SUGCT: variants seen among roughly 807,000 people sequenced by gnomAD.
SUGCT encodes the protein succinyl-CoA:glutarate CoA-transferase.
Under a neutral mutation model 55.0 loss-of-function variants are expected in SUGCT, and 41 were observed. The observed-to-expected ratio is 0.74, with a 90% CI of 0.58 to 0.97. The LOEUF (loss-of-function observed/expected upper bound fraction) is 0.97, where lower values mean the gene tolerates loss of function less well. Among genes scored for constraint, SUGCT ranks in the 50% least tolerant of loss-of-function variants. SUGCT has a pLI of 0.00. For synonymous variants in SUGCT, 187 were observed against 200.4 expected, an observed-to-expected ratio of 0.93 and a Z score of 0.56; for missense variants, 568 against 547.8, an observed-to-expected ratio of 1.04 and a Z score of -0.37.
chr7:40,378,094 G>C (rs1784692682), intron 9 of SUGCT, among the ~76,000 whole-genome samples: 1 of 141,380 alleles, frequency 7.1e-6, no homozygotes. Context: ...AGTTAATTGA[G>C]CTTCTTTGAT....
Position 40,838,353 on chromosome 7 carries a change from G to A in SUGCT, c.1154-21963G>A, listed in dbSNP as rs77981330. ...TCCAACATGTGTATCAATTTGAGGA[G>A]AATTGACATCTTTAATATGTTGTAT... is the stretch of plus-strand genomic sequence containing the variant. On this transcript the variant is annotated intron_variant, in intron 13 of 13. Transcript: ENST00000335693. Among the ~76,000 whole-genome samples, 59 of 152,266 alleles carry A rather than the reference G, an allele frequency of 3.9e-4. No homozygotes were observed. In the East Asian group the frequency reaches 0.011, roughly 29 times the overall value.
At chr7:40,176,757 G>A (rs1021101241) in intron 1 of SUGCT, among the ~76,000 whole-genome samples, 2 of 151,832 alleles carry the variant, frequency 1.3e-5, no homozygotes, top group Non-Finnish European at 2.9e-5. Context: ...TGGATCACCT[G>A]AGGTCAGGAG....
At chr7:40,268,742 C>T (rs376820436) in intron 7 of SUGCT, among the ~76,000 whole-genome samples, 5 of 152,012 alleles carry the variant, frequency 3.3e-5, no homozygotes, top group East Asian at 3.9e-4. Context: ...TTCTGCCTCC[C>T]GGGTTCAAGC....
At chr7:40,502,929 A>G (rs914840802) in intron 12 of SUGCT, among the ~76,000 whole-genome samples, 4 of 152,166 alleles carry the variant, frequency 2.6e-5, no homozygotes, top group African/African-American at 9.6e-5. Flanking sequence ...TCCTATATGG[A>G]GTACGTAATT....
intron 9 of SUGCT, among the ~76,000 whole-genome samples, chr7:40,377,218 TTTTCTTTCTTTCTTCCCTTCC>T (rs1784635196): frequency 1.4e-4 from 1 of 7,062 alleles, no homozygotes; most frequent in Admixed American, 2.5e-3. Flanking sequence ...CTTTTCTTTC[TTTTCTTTCTTTCTTCCCTTCC>T]TTCCTTCCTT....
Position 40,302,219 on chromosome 7 carries a change from AC to A in SUGCT, c.721-14540del, listed in dbSNP as rs1413653298. Reference sequence around the variant, plus strand: ...TATACATTCAACACTCTTCCTTCTAACACTCTCCTCCTTTGGCCTTTAGACA... The same window carrying A: ...TATACATTCAACACTCTTCCTTCTAAACTCTCCTCCTTTGGCCTTTAGACA... On this transcript the variant is annotated intron_variant, in intron 8 of 13. Transcript: ENST00000335693. Among the ~76,000 whole-genome samples, 3 of 152,050 alleles carry A rather than the reference AC, an allele frequency of 2.0e-5. No individual in the cohort carries two copies. In the East Asian group the frequency reaches 5.8e-4, roughly 29 times the overall value.
chr7:40,818,218 C>T (rs1185733291), intron 13 of SUGCT, among the ~76,000 whole-genome samples: 1 of 152,226 alleles, frequency 6.6e-6, no homozygotes, highest in Non-Finnish European at 1.5e-5. Flanking sequence ...GGCAGTCTGC[C>T]ATCAACCTAA....
At chr7:40,238,529 T>C (rs1392094000) in intron 7 of SUGCT, among the ~76,000 whole-genome samples, 1 of 152,160 alleles carries the variant, frequency 6.6e-6, no homozygotes, top group African/African-American at 2.4e-5. Flanking sequence ...TCAGTGGGTG[T>C]TCATTCTCCA....
intron 10 of SUGCT, among the ~76,000 whole-genome samples, chr7:40,454,733 A>G (rs929585915): frequency 1.2e-4 from 18 of 152,200 alleles, no homozygotes; most frequent in African/African-American, 3.6e-4. Context: ...AATGGAAAGA[A>G]TGCCAACCTA....
At chr7:40,383,032 C>T (rs1784946639) in intron 9 of SUGCT, among the ~76,000 whole-genome samples, 2 of 152,046 alleles carry the variant, frequency 1.3e-5, no homozygotes, top group African/African-American at 4.8e-5. Context: ...GTAAGTATGA[C>T]ACCCCCTGCA....
At chr7:40,463,674 A>G (rs559587648) in intron 11 of SUGCT, among the ~76,000 whole-genome samples, 7 of 152,282 alleles carry the variant, frequency 4.6e-5, no homozygotes, top group African/African-American at 1.7e-4. Context: ...TGCGTTTTCC[A>G]CAGCCAGCAC....
chr7:41,005,804 C>T, the SUGCT span, among the ~76,000 whole-genome samples: 7 of 152,178 alleles, frequency 4.6e-5, no homozygotes. Context: ...ATTTCCCTCA[C>T]CCCCAATACT....
intron 10 of SUGCT, among the ~76,000 whole-genome samples, chr7:40,454,003 A>G (rs1789332364): frequency 6.6e-6 from 1 of 152,224 alleles, no homozygotes; most frequent in Admixed American, 6.5e-5. Flanking sequence ...ACTTAAAAGT[A>G]TAATAACCAA....
chr7:40,786,453 C>T (rs117174454), intron 13 of SUGCT, among the ~76,000 whole-genome samples: 1 of 152,156 alleles, frequency 6.6e-6, no homozygotes. Context: ...TTGGCTTAAA[C>T]TGGCAATCAC....
At chr7:40,972,443 A>T in the SUGCT span, among the ~76,000 whole-genome samples, 9 of 152,242 alleles carry the variant, frequency 5.9e-5, no homozygotes, top group Non-Finnish European at 1.3e-4. Context: ...TACTGCAGAT[A>T]GCATGAATAT....
intron 12 of SUGCT, among the ~76,000 whole-genome samples, chr7:40,675,790 A>AGAGGACTGCTGG (rs778259322): frequency 2.5e-4 from 38 of 152,326 alleles, no homozygotes; most frequent in Non-Finnish European, 5.1e-4. Context: ...GTCAGAATGG[A>AGAGGACTGCTGG]GAGGACTGCT....
At chr7:40,451,627 G>A (rs1483029430) in intron 10 of SUGCT, among the ~76,000 whole-genome samples, 1 of 152,182 alleles carries the variant, frequency 6.6e-6, no homozygotes, top group Non-Finnish European at 1.5e-5. Flanking sequence ...GAAGATTTAT[G>A]TGTACGGGAT....
intron 9 of SUGCT, among the ~76,000 whole-genome samples, chr7:40,326,692 G>A (rs1460638762): frequency 6.6e-6 from 1 of 152,174 alleles, no homozygotes; most frequent in African/African-American, 2.4e-5. Flanking sequence ...GCATCACTCA[G>A]TTGTTACAGG....
intron 12 of SUGCT, among the ~76,000 whole-genome samples, chr7:40,506,560 A>T (rs562784022): frequency 6.6e-6 from 1 of 152,262 alleles, no homozygotes; most frequent in African/African-American, 2.4e-5. Flanking sequence ...GTTTGAGTTC[A>T]TTGAGGTTCT....
Sources: allele counts gnomAD v4.1 joint callset (sites outside exome capture counted in the v4.1 genomes callset), GRCh38; gene constraint gnomAD v4.1.1; transcripts MANE v1.5; gene names NCBI Gene and HGNC (gene_info 2026-07-23, HGNC 2026-07-21).